Variants in KIAA1328 observed in about 807,000 individuals in gnomAD.
The protein encoded by KIAA1328 is KIAA1328.
In KIAA1328, 52 loss-of-function variants were observed where a neutral mutation model predicts 68.1. That is an observed-to-expected ratio of 0.76 (90% CI 0.61 to 0.96). KIAA1328 has a LOEUF of 0.96. Ranked by LOEUF, KIAA1328 falls within the 40% of genes least tolerant of loss-of-function variation. KIAA1328 has a pLI of 0.00. For missense variants in KIAA1328, 641 were observed against 677.6 expected (o/e 0.95, Z 0.60); for synonymous variants, 232 against 239.4 (o/e 0.97, Z 0.28).
chr18:37,140,906 T>C (rs1365255346), intron 7 of KIAA1328, among the ~76,000 whole-genome samples: 1 of 152,186 alleles, frequency 6.6e-6, no homozygotes, highest in Non-Finnish European at 1.5e-5. Context: ...AGGTTTTGAC[T>C]TTATGGTGCC....
intron 4 of KIAA1328, among the ~76,000 whole-genome samples, chr18:36,869,222 G>A (rs2047860588): frequency 6.6e-6 from 1 of 152,210 alleles, no homozygotes; most frequent in South Asian, 2.1e-4. Context: ...TACACTATAG[G>A]CAGTATGCCA....
intron 4 of KIAA1328, among the ~76,000 whole-genome samples, chr18:36,859,829 A>G (rs1011107460): frequency 1.4e-5 from 2 of 146,244 alleles, no homozygotes; most frequent in African/African-American, 5.0e-5. Context: ...AATTTATTCT[A>G]TCTTTACTGT....
intron 6 of KIAA1328, among the ~76,000 whole-genome samples, chr18:37,052,535 A>G (rs2055739798): frequency 6.6e-6 from 1 of 152,166 alleles, no homozygotes; most frequent in Admixed American, 6.5e-5. Flanking sequence ...AAACAGAAAA[A>G]GAGGACGTCA....
At chr18:36,831,413 G>A (rs773282193) in intron 1 of KIAA1328, among the ~76,000 whole-genome samples, 1 of 152,168 alleles carries the variant, frequency 6.6e-6, no homozygotes, top group Non-Finnish European at 1.5e-5. Context: ...AACAATGAGT[G>A]TGTGGTGTTG....
chr18:36,887,244 A>G (rs2048531995), intron 5 of KIAA1328, among the ~76,000 whole-genome samples: 1 of 152,032 alleles, frequency 6.6e-6, no homozygotes, highest in Non-Finnish European at 1.5e-5. Flanking sequence ...CAGAATTCAT[A>G]ACAAAGTGCT....
intron 6 of KIAA1328, among the ~76,000 whole-genome samples, chr18:37,000,865 T>C (rs536467876): frequency 6.6e-6 from 1 of 151,762 alleles, no homozygotes; most frequent in Admixed American, 6.6e-5. Flanking sequence ...AAGCAACAAA[T>C]CAAAACTTGT....
At chr18:37,169,339 GTATTTTTA>G (rs2059453511) in intron 8 of KIAA1328, among the ~76,000 whole-genome samples, 2 of 151,668 alleles carry the variant, frequency 1.3e-5, no homozygotes, top group Non-Finnish European at 2.9e-5. Context: ...CTAATTTTTT[GTATTTTTA>G]GTAGATATGG....
chr18:37,168,180 C>T (rs1345256877), intron 8 of KIAA1328, among the ~76,000 whole-genome samples: 1 of 152,166 alleles, frequency 6.6e-6, no homozygotes, highest in Non-Finnish European at 1.5e-5. Context: ...GCTATCTGCC[C>T]AACTTTATAG....
chr18:37,209,486 A>G (rs949544914), intron 9 of KIAA1328, among the ~76,000 whole-genome samples: 1 of 152,008 alleles, frequency 6.6e-6, no homozygotes, highest in Non-Finnish European at 1.5e-5. Flanking sequence ...GTGTGTGTGT[A>G]TTGAGTGATA....
Position 37,106,000 on chromosome 18 carries a change from A to G in KIAA1328, c.1232+38455A>G, listed in dbSNP as rs2057766361. ...TAAATATAAAAATTATCCCTTAAAC[A>G]TGGAATTACCAAGTGACCTAGCAGT... is the stretch of plus-strand genomic sequence containing the variant. On this transcript the variant is annotated intron_variant, in intron 7 of 9. Transcript: ENST00000280020. Among the ~76,000 whole-genome samples the G allele has an allele frequency of 2.0e-5, 3 of 151,274 alleles. No homozygotes were observed. In the South Asian group the frequency reaches 6.3e-4, roughly 32 times the overall value.
chr18:36,968,270 A>G (rs1415996266), intron 6 of KIAA1328, among the ~76,000 whole-genome samples: 1 of 152,206 alleles, frequency 6.6e-6, no homozygotes, highest in Non-Finnish European at 1.5e-5. Context: ...ACATATCAAT[A>G]CTAACCTTGA....
intron 4 of KIAA1328, among the ~76,000 whole-genome samples, chr18:36,869,871 CT>C (rs34529045): frequency 6.7e-6 from 1 of 148,992 alleles, no homozygotes; most frequent in Non-Finnish European, 1.5e-5. Context: ...AGTGTTTATT[CT>C]TTTTTTTTTG....
chr18:37,134,291 G>A (rs1031793213), intron 7 of KIAA1328, among the ~76,000 whole-genome samples: 8 of 152,164 alleles, frequency 5.3e-5, no homozygotes, highest in African/African-American at 1.7e-4. Flanking sequence ...GATTACAGGC[G>A]TGAGCCACTG....
intron 5 of KIAA1328, among the ~76,000 whole-genome samples, chr18:36,934,077 C>G (rs900481698): frequency 1.3e-5 from 2 of 152,144 alleles, no homozygotes; most frequent in Non-Finnish European, 2.9e-5. Flanking sequence ...GTCATGGGAT[C>G]TCTTGCAGCT....
chr18:36,967,935 G>A (rs138478212), intron 6 of KIAA1328, among the ~76,000 whole-genome samples: 4 of 152,210 alleles, frequency 2.6e-5, no homozygotes, highest in African/African-American at 9.7e-5. Flanking sequence ...ATAGGATTAC[G>A]TAAAGAGACC....
At chr18:37,035,300 G>C (rs553647098) in intron 6 of KIAA1328, among the ~76,000 whole-genome samples, 5 of 152,282 alleles carry the variant, frequency 3.3e-5, no homozygotes, top group African/African-American at 1.2e-4. Context: ...CATCACCTGG[G>C]CACTTTTGAA....
rs926358503 is a variant in KIAA1328 at position 37,225,111 on chromosome 18, G to A, written c.*2884G>A. The A allele has an allele frequency of 1.4e-5, 14 of 985,174 alleles. No individual in the cohort carries two copies. The highest frequency in any genetic ancestry group is 6.2e-5 in the Admixed American group (1 of 16,246). 61.0% of individuals were successfully genotyped at this position (985,174 alleles called of 1,614,324 possible). ...CTACTCTTCACTTGTCCCTGCTTCC[G>A]GCACCAAGTTCATAATAGAGATCTT... On this transcript the variant is annotated 3_prime_UTR_variant, in exon 10 of 10. Transcript: ENST00000280020.
intron 6 of KIAA1328, among the ~76,000 whole-genome samples, chr18:37,052,411 A>G (rs1418655096): frequency 1.3e-5 from 2 of 152,182 alleles, no homozygotes; most frequent in Non-Finnish European, 2.9e-5. Context: ...AGTTAAAAGC[A>G]TTACCCCTAA....
intron 6 of KIAA1328, among the ~76,000 whole-genome samples, chr18:37,025,048 T>C (rs1038321566): frequency 2.2e-4 from 33 of 152,310 alleles, no homozygotes; most frequent in South Asian, 1.9e-3. Context: ...TGTTGTTTCC[T>C]GACTTTTTAA....
Sources: gnomAD v4.1 joint callset for allele counts (sites outside exome capture counted in the v4.1 genomes callset) on GRCh38, gnomAD v4.1.1 for gene constraint, MANE v1.5 for transcripts, NCBI Gene and HGNC (gene_info 2026-07-23, HGNC 2026-07-21) for gene names.